The following PAWR variants were observed in gnomAD, a reference collection of about 807,000 sequenced individuals.
The protein encoded by PAWR is pro-apoptotic WT1 regulator, also known as PRKC apoptosis WT1 regulator protein.
PAWR carries 23 observed loss-of-function variants against 32.0 expected under a neutral mutation model. That is an observed-to-expected ratio of 0.72 (90% confidence interval 0.52 to 1.02). The LOEUF (loss-of-function observed/expected upper bound fraction) is 1.02, where lower values mean the gene tolerates loss of function less well. Among genes scored for constraint, PAWR ranks in the 50% least tolerant of loss-of-function variants. PAWR has a pLI of 0.00. For synonymous variants in PAWR, 226 were observed against 187.1 expected (o/e 1.21, Z -1.70); for missense variants, 457 against 437.7 (o/e 1.04, Z -0.39).
intron 2 of PAWR, among the ~76,000 whole-genome samples, chr12:79,636,639 T>C (rs1405286736): frequency 6.6e-6 from 1 of 152,166 alleles, no homozygotes; most frequent in Non-Finnish European, 1.5e-5. Flanking sequence ...TTGTTTCACA[T>C]TCCTTTCTCT....
At chr12:79,650,607 CTGT>C (rs1876795209) in intron 2 of PAWR, among the ~76,000 whole-genome samples, 1 of 149,414 alleles carries the variant, frequency 6.7e-6, no homozygotes, top group Non-Finnish European at 1.5e-5. Flanking sequence ...CCATAGGTCT[CTGT>C]TGTTGTAGAC....
chr12:79,675,393 AAAAAT>A (rs1348531033), intron 2 of PAWR, among the ~76,000 whole-genome samples: 2 of 152,118 alleles, frequency 1.3e-5, no homozygotes, highest in Non-Finnish European at 2.9e-5. Context: ...ATATAAAAAT[AAAAAT>A]AAAATAAATC....
chr12:79,632,977 T>C (rs1197129515), intron 2 of PAWR, among the ~76,000 whole-genome samples: 1 of 151,770 alleles, frequency 6.6e-6, no homozygotes, highest in Non-Finnish European at 1.5e-5. Context: ...CTACTAAAAA[T>C]ATGAAAATCA....
chr12:79,614,156 A>G (rs1456953982), intron 3 of PAWR, among the ~76,000 whole-genome samples: 2 of 149,778 alleles, frequency 1.3e-5, no homozygotes, highest in Non-Finnish European at 3.0e-5. Context: ...GATTACAGGC[A>G]TGTGCCACCA....
chr12:79,622,446 ATCC>A (rs1875069759), intron 2 of PAWR, among the ~76,000 whole-genome samples: 3 of 151,940 alleles, frequency 2.0e-5, no homozygotes, highest in Non-Finnish European at 1.5e-5. Flanking sequence ...TCCTAACGCT[ATCC>A]CTCCCCTCTC....
chr12:79,624,382 T>C (rs1366385967), intron 2 of PAWR, among the ~76,000 whole-genome samples: 3 of 152,136 alleles, frequency 2.0e-5, no homozygotes, highest in Non-Finnish European at 4.4e-5. Context: ...ATGAATGAGT[T>C]ACCAAGATGA....
At chr12:79,638,692 T>C (rs1876087834) in intron 2 of PAWR, among the ~76,000 whole-genome samples, 1 of 150,866 alleles carries the variant, frequency 6.6e-6, no homozygotes, top group South Asian at 2.1e-4. Flanking sequence ...TGGCTCCGAC[T>C]GGAGTACAGC....
chr12:79,652,936 T>A (rs1876916729), intron 2 of PAWR, among the ~76,000 whole-genome samples: 1 of 152,266 alleles, frequency 6.6e-6, no homozygotes, highest in Non-Finnish European at 1.5e-5. Context: ...CATAGCTTTA[T>A]CTGCCTACAA....
chr12:79,593,552 T>C (rs1449256839), intron 6 of PAWR, among the ~76,000 whole-genome samples: 1 of 151,650 alleles, frequency 6.6e-6, no homozygotes, highest in Non-Finnish European at 1.5e-5. Flanking sequence ...AAATAATAAA[T>C]CTTGATGTAA....
At chr12:79,674,739 C>A (rs1878078579) in intron 2 of PAWR, among the ~76,000 whole-genome samples, 1 of 151,824 alleles carries the variant, frequency 6.6e-6, no homozygotes, top group South Asian at 2.1e-4. Flanking sequence ...CATTAAAAAG[C>A]GGGCAAAGGA....
At chr12:79,664,454 C>G (rs1349423424) in intron 2 of PAWR, among the ~76,000 whole-genome samples, 1 of 152,198 alleles carries the variant, frequency 6.6e-6, no homozygotes, top group Non-Finnish European at 1.5e-5. Context: ...CTACCAAAAA[C>G]TTTAATACCA....
At chr12:79,682,200 G>A (rs1266769348) in intron 2 of PAWR, among the ~76,000 whole-genome samples, 1 of 152,128 alleles carries the variant, frequency 6.6e-6, no homozygotes, top group Non-Finnish European at 1.5e-5. Context: ...CACCCAGGCT[G>A]TAGTGCAGTT....
At chr12:79,665,908 T>C (rs913998180) in intron 2 of PAWR, among the ~76,000 whole-genome samples, 2 of 152,348 alleles carry the variant, frequency 1.3e-5, no homozygotes, top group Admixed American at 1.3e-4. Flanking sequence ...TATCTCACAA[T>C]AAATAAGCAT....
At chr12:79,679,498 T>C (rs1299278610) in intron 2 of PAWR, among the ~76,000 whole-genome samples, 1 of 152,060 alleles carries the variant, frequency 6.6e-6, no homozygotes, top group East Asian at 1.9e-4. Context: ...TTTAAGAAAC[T>C]GACCAATTAT....
chr12:79,672,901 A>T (rs1278613207), intron 2 of PAWR, among the ~76,000 whole-genome samples: 1 of 152,120 alleles, frequency 6.6e-6, no homozygotes, highest in Admixed American at 6.5e-5. Context: ...AATCCCAGGC[A>T]TTTCTTCTCT....
chr12:79,651,844 A>G (rs1340942129), intron 2 of PAWR, among the ~76,000 whole-genome samples: 2 of 152,194 alleles, frequency 1.3e-5, no homozygotes, highest in African/African-American at 4.8e-5. Flanking sequence ...ATGAAAGAAA[A>G]AGAAGCAAGC....
At chr12:79,603,202 C>T (rs1000084046) in intron 4 of PAWR, among the ~76,000 whole-genome samples, 7 of 151,866 alleles carry the variant, frequency 4.6e-5, no homozygotes, top group African/African-American at 1.5e-4. Context: ...CTGCAGTGAG[C>T]GATTACGCCA....
Position 79,690,015 on chromosome 12 carries a change from G to C in PAWR, c.230C>G (p.Ala77Gly). 7.7e-7 allele frequency: 1 copy of C among 1,301,364 alleles called. No homozygotes were observed. The highest frequency in any genetic ancestry group is 9.7e-7 in the Non-Finnish European group (1 of 1,031,016). The allele number at this position is 1,301,364 out of a possible 1,614,324, so 80.6% of individuals were successfully genotyped here. The stretch of plus-strand genomic sequence containing the variant: ...ACCGGGGACGGCAGGTGCGGCCGGC[G>C]CGCCGCCCGGGAGGTTGTTGTTGAG... ...NELNNNLPGG[A>G]PAAPAVPGPG... The change falls in exon 2 of 7, where the codon GCG becomes GGG. Residue 77 changes from alanine to glycine, a missense_variant. Coordinates refer to ENST00000328827, the MANE Select transcript of PAWR (RefSeq NM_002583.4).
At chr12:79,612,949 T>C (rs1027274753) in intron 4 of PAWR, among the ~76,000 whole-genome samples, 3 of 152,200 alleles carry the variant, frequency 2.0e-5, no homozygotes, top group Non-Finnish European at 4.4e-5. Context: ...CCAAAATTCA[T>C]ATGTTGAAGC....
Sources: gnomAD v4.1 joint callset for allele counts (sites outside exome capture counted in the v4.1 genomes callset) on GRCh38, gnomAD v4.1.1 for gene constraint, MANE v1.5 for transcripts, NCBI Gene and HGNC (gene_info 2026-07-23, HGNC 2026-07-21) for gene names.